GCKR: variants seen among roughly 807,000 people sequenced by gnomAD.
GCKR encodes glucokinase regulator, also known as glucokinase regulatory protein.
In GCKR, 73 loss-of-function variants were observed where a neutral mutation model predicts 82.9. That is an observed-to-expected ratio of 0.88 (90% CI 0.73 to 1.07). The LOEUF is 1.07. Ranked by LOEUF, GCKR falls within the 50% of genes least tolerant of loss-of-function variation. GCKR has a pLI of 0.00. For missense variants in GCKR, 784 were observed against 782.1 expected (o/e 1.00, Z -0.03); for synonymous variants, 294 against 291.8 (o/e 1.01, Z -0.08).
At chr2:27,498,883 G>C in intron 5 of GCKR, 86 bp downstream of exon 5, 1 of 857,946 alleles carries the variant, frequency 1.2e-6, no homozygotes, top group Non-Finnish European at 2.0e-6. Flanking sequence ...GACAGAGATT[G>C]TGTCTGGCTT....
chr2:27,505,832 C>T lies in GCKR; in HGVS notation c.865C>T (p.Gln289Ter). 6.7e-7 allele frequency: 1 copy of T among 1,495,992 alleles called. No homozygotes were observed. Among genetic ancestry groups the T allele is most frequent in the South Asian group, 1.1e-5 (1 of 88,738 alleles). 92.7% of individuals were successfully genotyped at this position (1,495,992 alleles called of 1,614,324 possible). Residue 289 changes from glutamine to a stop codon, truncating the protein, a stop_gained, in exon 10 of 19, where the codon CAA (glutamine) becomes TAA (stop). Coordinates refer to ENST00000264717, the MANE Select transcript of GCKR (RefSeq NM_001486.4). LOFTEE classifies it high-confidence loss of function. Reference protein sequence around the residue: ...KTVDQGIAASQRCLLEILRTF... With the variant: ...KTVDQGIAAS ...TGTGGACCAGGGCATTGCAGCATCT[C>T]AAAGGTAGGGAGGATCTGGATAAGA...
chr2:27,498,170 C>A, intron 3 of GCKR, 85 bp from the exon 4 acceptor site: 1 of 1,030,496 alleles, frequency 9.7e-7, no homozygotes, highest in Non-Finnish European at 1.5e-6. Flanking sequence ...CTTTCCAATT[C>A]CTCTTGCATT....
chr2:27,505,940 A>G (rs1669728827), intron 10 of GCKR, 104 bp downstream of exon 10: 3 of 774,762 alleles, frequency 3.9e-6, no homozygotes, highest in Non-Finnish European at 7.0e-6. Context: ...GGTGGCAGTA[A>G]GACTGCAGCC....
At chr2:27,502,567 G>A (rs980739085) in intron 8 of GCKR, among the ~76,000 whole-genome samples, 3 of 152,108 alleles carry the variant, frequency 2.0e-5, no homozygotes, top group Admixed American at 6.5e-5. Flanking sequence ...GAATCTCGAC[G>A]TTAAACCATA....
At chr2:27,518,459 A>G (rs961405347) in intron 16 of GCKR, among the ~76,000 whole-genome samples, 1 of 152,238 alleles carries the variant, frequency 6.6e-6, no homozygotes, top group Non-Finnish European at 1.5e-5. Context: ...GTTTAGTGGA[A>G]TGAATCCCAC....
chr2:27,516,836 C>G (rs1352208449), intron 16 of GCKR, among the ~76,000 whole-genome samples: 2 of 152,134 alleles, frequency 1.3e-5, no homozygotes, highest in East Asian at 3.8e-4. Context: ...CAGTTTCATG[C>G]TGAAATTTCA....
At chr2:27,515,747 A>G (rs970175150) in intron 16 of GCKR, among the ~76,000 whole-genome samples, 1 of 100,824 alleles carries the variant, frequency 9.9e-6, no homozygotes, top group Non-Finnish European at 2.0e-5. Flanking sequence ...AATTGTTCGT[A>G]TATATATATA....
chr2:27,500,077 GT>G (rs1422190529), intron 7 of GCKR, among the ~76,000 whole-genome samples: 1 of 151,218 alleles, frequency 6.6e-6, no homozygotes, highest in Non-Finnish European at 1.5e-5. Context: ...ATAAAGGTTA[GT>G]TTTTGTTTTT....
chr2:27,515,450 T>C lies in GCKR; in HGVS notation c.1423-3338T>C, dbSNP rs8179233. Among the ~76,000 whole-genome samples the C allele has an allele frequency of 8.2e-4, 115 of 140,812 alleles. 2 individuals are homozygous for C. Among genetic ancestry groups the C allele is most frequent in the Admixed American group, 7.2e-3 (101 of 14,062 alleles). 92.4% of individuals were successfully genotyped at this position (140,812 alleles called of 152,430 possible). On this transcript the variant is annotated intron_variant, in intron 16 of 18. Coordinates refer to ENST00000264717, the MANE Select transcript of GCKR (RefSeq NM_001486.4). ...GCCACCATGCCTAGCTAATTTTGTT[T>C]CACCATGTTGGCCAGGGGTGTCACC...
chr2:27,507,981 C>A lies in GCKR; in HGVS notation c.1245C>A (p.Asn415Lys), dbSNP rs1572866760. 1.9e-6 allele frequency: 3 copies of A among 1,609,376 alleles called. No homozygotes were observed. The African/African-American group carries it at 4.0e-5, about 21-fold the overall frequency. ...TVVFIFTLDD[N>K]LTEVQTIVEQ... ...GATGCCCTCCCCTTCTCCTAGACAA[C>A]CTCACGGAGGTGCAGACTATAGTGG... The change falls in exon 15 of 19, where the codon AAC (asparagine) becomes AAA (lysine). Residue 415 changes from asparagine to lysine, a missense_variant. Physicochemically the swap from Asn to Lys is moderately conservative, Grantham distance 94 (BLOSUM62 0). Transcript: ENST00000264717.
At chr2:27,510,725 T>G (rs1669861422) in intron 16 of GCKR, among the ~76,000 whole-genome samples, 1 of 152,196 alleles carries the variant, frequency 6.6e-6, no homozygotes, top group Admixed American at 6.5e-5. Flanking sequence ...GTAGGTGGAC[T>G]ACTTAAAAAT....
At chr2:27,516,376 C>T (rs1330159043) in intron 16 of GCKR, among the ~76,000 whole-genome samples, 2 of 147,810 alleles carry the variant, frequency 1.4e-5, no homozygotes, top group South Asian at 2.1e-4. Flanking sequence ...CTGCAACCTC[C>T]GCCCCCCAGG....
chr2:27,522,637 T>TG, intron 18 of GCKR, 43 bp downstream of exon 18: 1 of 1,545,518 alleles, frequency 6.5e-7, no homozygotes, highest in Non-Finnish European at 8.9e-7. Context: ...ACTTTTTGAG[T>TG]ACTTTCAGTG....
chr2:27,497,511 C>A (rs370829124), intron 2 of GCKR, 51 bp from the exon 3 acceptor site: 48 of 1,556,548 alleles, frequency 3.1e-5, no homozygotes, highest in Non-Finnish European at 3.8e-5. Flanking sequence ...CCCCCTCCCC[C>A]ATTCATCGTC....
rs1669518828 is a variant in GCKR at position 27,499,457 on chromosome 2, A to G, written c.549+7A>G. 1.3e-6 allele frequency: 2 copies of G among 1,593,466 alleles called. No individual in the cohort carries two copies. On this transcript the variant is annotated splice_region_variant and intron_variant, in intron 7 of 18. Coordinates refer to ENST00000264717, the MANE Select transcript of GCKR (RefSeq NM_001486.4). ...CATTTCTGTGGGACTCTCTGTGAGT[A>G]AAAAGATGGGTTGAGTGGATCAATT... is the stretch of plus-strand genomic sequence containing the variant.
At chr2:27,521,258 C>T (rs186968499) in intron 17 of GCKR, among the ~76,000 whole-genome samples, 1 of 151,954 alleles carries the variant, frequency 6.6e-6, no homozygotes, top group Non-Finnish European at 1.5e-5. Flanking sequence ...GGTGTGGTGG[C>T]TTACACCTGT....
rs138519805 is a variant in GCKR at position 27,502,205 on chromosome 2, G to A, written c.644+976G>A. Among the ~76,000 whole-genome samples the A allele has an allele frequency of 2.0e-5, 3 of 152,278 alleles. No homozygotes were observed. The East Asian group carries it at 5.8e-4, about 29-fold the overall frequency. ...TTCTAGGCGGTAGTATAATTTATGC[G>A]AAGGTGTAAATGAATCTGAAATACT... On this transcript the variant is annotated intron_variant, in intron 8 of 18. Transcript: ENST00000264717.
intron 16 of GCKR, among the ~76,000 whole-genome samples, chr2:27,516,073 G>C (rs1378556288): frequency 6.6e-6 from 1 of 150,578 alleles, no homozygotes; most frequent in Non-Finnish European, 1.5e-5. Flanking sequence ...CACCGTGCCT[G>C]GCTCCAATAT....
Position 27,499,390 on chromosome 2 carries a change from C to T in GCKR, c.496-7C>T, listed in dbSNP as rs574660039. ...GTTACACTACCTTGTCCATCCTCCTCTCCTAGGTGGCTGCCGGGAAGAAGA... is the reference window on the plus strand; with the variant it reads ...GTTACACTACCTTGTCCATCCTCCTTTCCTAGGTGGCTGCCGGGAAGAAGA... On this transcript the variant is annotated splice_region_variant and splice_polypyrimidine_tract_variant and intron_variant, in intron 6 of 18. Transcript: ENST00000264717. 4 of 1,608,386 alleles carry T rather than the reference C, an allele frequency of 2.5e-6. No individual in the cohort carries two copies. In the East Asian group the frequency reaches 8.9e-5, roughly 36 times the overall value.
Sources: gnomAD v4.1 joint callset for allele counts (sites outside exome capture counted in the v4.1 genomes callset) on GRCh38, gnomAD v4.1.1 for gene constraint, MANE v1.5 for transcripts, NCBI Gene and HGNC (gene_info 2026-07-23, HGNC 2026-07-21) for gene names.